Variants in C12orf42 observed in about 807,000 individuals in gnomAD.
C12orf42 encodes the protein chromosome 12 open reading frame 42, also known as uncharacterized protein C12orf42.
C12orf42 carries 25 observed loss-of-function variants against 21.6 expected under a neutral mutation model. The ratio of observed to expected loss-of-function variants is 1.16; its 90% CI spans 0.84 to 1.62. C12orf42 has a LOEUF of 1.62. Ranked by LOEUF, C12orf42 falls within the 40% of genes most tolerant of loss-of-function variation. The pLI is 0.00. For synonymous variants in C12orf42, 174 were observed against 175.0 expected (o/e 0.99, Z 0.05); for missense variants, 483 against 459.3 (o/e 1.05, Z -0.47).
At chr12:103,155,504 C>T in the C12orf42 span, among the ~76,000 whole-genome samples, 10 of 152,124 alleles carry the variant, frequency 6.6e-5, no homozygotes, top group East Asian at 3.9e-4. Context: ...AACAAAATAA[C>T]GGTGGGGACA....
At chr12:103,343,624 C>CA (rs1287612283) in intron 4 of C12orf42, among the ~76,000 whole-genome samples, 1 of 151,522 alleles carries the variant, frequency 6.6e-6, no homozygotes, top group Non-Finnish European at 1.5e-5. Context: ...ACTAAAAATA[C>CA]AAAAAAATCA....
intron 1 of C12orf42, among the ~76,000 whole-genome samples, chr12:103,479,782 TA>T (rs892256165): frequency 3.1e-4 from 47 of 152,164 alleles, no homozygotes; most frequent in African/African-American, 1.0e-3. Flanking sequence ...ATTCATGAGA[TA>T]AAAAACAACG....
At chr12:103,306,840 C>A (rs1593359495) in intron 4 of C12orf42, among the ~76,000 whole-genome samples, 1 of 152,036 alleles carries the variant, frequency 6.6e-6, no homozygotes, top group Non-Finnish European at 1.5e-5. Context: ...TTAGGGTGAG[C>A]CATAATCTAA....
At chr12:103,195,720 T>G in the C12orf42 span, among the ~76,000 whole-genome samples, 1 of 152,176 alleles carries the variant, frequency 6.6e-6, no homozygotes, top group African/African-American at 2.4e-5. Context: ...AAATATTTTT[T>G]CCTATTCTGT....
At chr12:103,088,370 C>A in the C12orf42 span, among the ~76,000 whole-genome samples, 1 of 152,180 alleles carries the variant, frequency 6.6e-6, no homozygotes, top group Non-Finnish European at 1.5e-5. Flanking sequence ...TATTCCCCAG[C>A]CTGGAGTTAA....
chr12:103,220,180 C>T, the C12orf42 span, among the ~76,000 whole-genome samples: 7 of 152,094 alleles, frequency 4.6e-5, no homozygotes, highest in African/African-American at 1.2e-4. Context: ...AAACGCCACA[C>T]GTACTCACTC....
rs1954910197 is a variant in C12orf42, at chr12:103,487,441, G to A, written c.-22+8461C>T. Among the ~76,000 whole-genome samples, 5 of 152,178 alleles carry A rather than the reference G, an allele frequency of 3.3e-5. No individual in the cohort carries two copies. In the South Asian group the frequency reaches 6.2e-4, roughly 19 times the overall value. Reference sequence around the variant, plus strand: ...AAGAATGTATATTCTGTTGATTTGGGGTGGAGAGTTCTGTAGATGTCTATT... The same window carrying A: ...AAGAATGTATATTCTGTTGATTTGGAGTGGAGAGTTCTGTAGATGTCTATT... On this transcript the variant is annotated intron_variant, in intron 1 of 5. Transcript: ENST00000548883.
At chr12:103,260,292 A>G (rs955122119) in intron 10 of C12orf42, among the ~76,000 whole-genome samples, 1 of 152,248 alleles carries the variant, frequency 6.6e-6, no homozygotes, top group African/African-American at 2.4e-5. Context: ...TCCTGAAACA[A>G]GAATAAACTC....
In C12orf42 at chr12:103,329,050, G is replaced by C. The variant is rs189064978; in HGVS notation, c.260-22705C>G. Among the ~76,000 whole-genome samples the C allele has an allele frequency of 1.3e-3, 201 of 152,302 alleles. 3 individuals are homozygous for C. Among genetic ancestry groups the C allele is most frequent in the Non-Finnish European group, 3.8e-4 (26 of 68,030 alleles). On this transcript the variant is annotated intron_variant, in intron 4 of 5. Coordinates refer to ENST00000548883, the MANE Select transcript of C12orf42 (RefSeq NM_198521.5). ...GAGATGGTGACATGCAGTGATAAGC[G>C]CAGGGATGCAGGCATGCATTTAGAG...
At chr12:103,292,639 G>C (rs1407322241) in intron 4 of C12orf42, among the ~76,000 whole-genome samples, 2 of 151,880 alleles carry the variant, frequency 1.3e-5, no homozygotes, top group South Asian at 2.1e-4. Flanking sequence ...TATTCTTTTT[G>C]AGTAAATATG....
the C12orf42 span, among the ~76,000 whole-genome samples, chr12:103,183,222 C>T: frequency 6.6e-6 from 1 of 152,230 alleles, no homozygotes; most frequent in African/African-American, 2.4e-5. Flanking sequence ...GCTGGAACTA[C>T]AGGCACATGC....
chr12:103,191,754 A>T, the C12orf42 span, among the ~76,000 whole-genome samples: 1 of 150,950 alleles, frequency 6.6e-6, no homozygotes, highest in Non-Finnish European at 1.5e-5. Flanking sequence ...AAAAAAAAAA[A>T]AAAAAAGAAA....
intron 4 of C12orf42, among the ~76,000 whole-genome samples, chr12:103,291,241 T>G (rs988526929): frequency 2.6e-5 from 4 of 152,202 alleles, no homozygotes; most frequent in Non-Finnish European, 5.9e-5. Flanking sequence ...AGCTCTGCCT[T>G]GAACAGACTG....
chr12:103,186,118 C>T, the C12orf42 span, among the ~76,000 whole-genome samples: 1 of 152,136 alleles, frequency 6.6e-6, no homozygotes, highest in Non-Finnish European at 1.5e-5. Context: ...GTTATTAATA[C>T]TTCCACCTTT....
At chr12:103,247,034 T>A (rs375980491) in intron 10 of C12orf42, among the ~76,000 whole-genome samples, 14 of 152,066 alleles carry the variant, frequency 9.2e-5, no homozygotes, top group African/African-American at 3.1e-4. Context: ...TTTATAAAGC[T>A]ATGTTTTATA....
At chr12:103,390,485 C>T (rs1405499641) in intron 3 of C12orf42, among the ~76,000 whole-genome samples, 1 of 152,168 alleles carries the variant, frequency 6.6e-6, no homozygotes, top group Non-Finnish European at 1.5e-5. Flanking sequence ...CCCCTGGTAA[C>T]CTCTATTCTA....
chr12:103,463,665 C>T (rs746368214), intron 2 of C12orf42, among the ~76,000 whole-genome samples: 3 of 152,084 alleles, frequency 2.0e-5, no homozygotes, highest in Non-Finnish European at 2.9e-5. Context: ...ACATGTGCTA[C>T]GGTAGTTTGC....
intron 2 of C12orf42, among the ~76,000 whole-genome samples, chr12:103,424,656 C>A (rs1299635995): frequency 6.6e-6 from 1 of 152,228 alleles, no homozygotes; most frequent in Non-Finnish European, 1.5e-5. Flanking sequence ...ATGCTTTTCC[C>A]ATGGTCTTTG....
intron 1 of C12orf42, among the ~76,000 whole-genome samples, chr12:103,494,991 G>C (rs2138234744): frequency 6.6e-6 from 1 of 152,118 alleles, no homozygotes; most frequent in South Asian, 2.1e-4. Context: ...GGGTTGGGGG[G>C]ATGTGAGATA....
Sources: allele counts gnomAD v4.1 joint callset (sites outside exome capture counted in the v4.1 genomes callset), GRCh38; gene constraint gnomAD v4.1.1; transcripts MANE v1.5; gene names NCBI Gene and HGNC (gene_info 2026-07-23, HGNC 2026-07-21).